KCNU1: variants seen among roughly 807,000 people sequenced by gnomAD.
The protein encoded by KCNU1 is potassium calcium-activated channel subfamily U member 1, also known as potassium channel subfamily U member 1.
In KCNU1, 93 loss-of-function variants were observed where a neutral mutation model predicts 126.8. The ratio of observed to expected loss-of-function variants is 0.73; its 90% CI spans 0.62 to 0.87. The LOEUF (loss-of-function observed/expected upper bound fraction) is 0.87. Ranked by LOEUF, KCNU1 falls within the 40% of genes least tolerant of loss-of-function variation. KCNU1 has a pLI of 0.00. For missense variants in KCNU1, 1,330 were observed against 1,367.1 expected (o/e 0.97, Z 0.43); for synonymous variants, 523 against 494.2 (o/e 1.06, Z -0.77).
chr8:36,888,850 A>G (rs762447694), intron 19 of KCNU1: 2 of 467,994 alleles, frequency 4.3e-6, no homozygotes, highest in Non-Finnish European at 8.7e-6. Context: ...AATCAAGCAC[A>G]TCTTTGCTAA....
At chr8:36,809,468 C>T (rs999478243) in intron 7 of KCNU1, among the ~76,000 whole-genome samples, 3 of 152,138 alleles carry the variant, frequency 2.0e-5, no homozygotes, top group Non-Finnish European at 4.4e-5. Context: ...TTTATCTGAG[C>T]CCTTCTCTCA....
intron 22 of KCNU1, among the ~76,000 whole-genome samples, chr8:36,913,411 T>A (rs1028978552): frequency 2.0e-5 from 3 of 152,266 alleles, no homozygotes; most frequent in Middle Eastern, 3.4e-3. Flanking sequence ...TGAATCATTA[T>A]GAGTATGAGT....
At chr8:36,837,870 C>T (rs573205590) in intron 14 of KCNU1, among the ~76,000 whole-genome samples, 22 of 152,072 alleles carry the variant, frequency 1.4e-4, no homozygotes, top group African/African-American at 4.1e-4. Flanking sequence ...CTTTCATACA[C>T]GTGACTTCCC....
intron 24 of KCNU1, chr8:36,923,120 T>C: frequency 2.2e-6 from 1 of 454,176 alleles, no homozygotes; most frequent in Non-Finnish European, 4.4e-6. Flanking sequence ...GACTACATGG[T>C]TATTCTTTAG....
rs193215198 is a variant in KCNU1, at chr8:36,909,901, T to C, written c.2331+366T>C. 7.8e-4 allele frequency among the ~76,000 whole-genome samples: 119 copies of C among 152,326 alleles called. 1 individual carries two copies. In the East Asian group the frequency reaches 0.012, roughly 16 times the overall value. On this transcript the variant is annotated intron_variant, in intron 21 of 26. Coordinates refer to ENST00000399881, the MANE Select transcript of KCNU1 (RefSeq NM_001031836.3). ...ATTTCTGAGTCAGATTATAATTTAATGGCTACACCTAAGCTAATACTGGCC... is the reference window on the plus strand; with the variant it reads ...ATTTCTGAGTCAGATTATAATTTAACGGCTACACCTAAGCTAATACTGGCC...
At chr8:36,808,196 T>A (rs1803576552) in intron 6 of KCNU1, among the ~76,000 whole-genome samples, 1 of 152,088 alleles carries the variant, frequency 6.6e-6, no homozygotes, top group African/African-American at 2.4e-5. Context: ...TCTCCTTAGG[T>A]GACAAGGGCC....
Position 36,891,177 on chromosome 8 carries a change from C to A in KCNU1, c.2010-14531C>A, listed in dbSNP as rs148689182. ...TATTTTCTATTGTACCATTTTAATT[C>A]TCTTGTGATTTCTTTTAGAGTATTT... On this transcript the variant is annotated intron_variant, in intron 19 of 26. Transcript: ENST00000399881. 5.9e-3 allele frequency among the ~76,000 whole-genome samples: 895 copies of A among 150,712 alleles called. 14 individuals are homozygous for A. The highest frequency in any genetic ancestry group is 0.021 in the African/African-American group (855 of 40,602).
At chr8:36,808,860 A>T in intron 7 of KCNU1, 67 bp downstream of exon 7, 2 of 1,129,806 alleles carry the variant, frequency 1.8e-6, no homozygotes, top group Non-Finnish European at 2.6e-6. Context: ...GAAAAATGGA[A>T]GGGAACCTGC....
chr8:36,894,220 G>T (rs989007033), intron 19 of KCNU1, among the ~76,000 whole-genome samples: 3 of 152,034 alleles, frequency 2.0e-5, no homozygotes, highest in Non-Finnish European at 4.4e-5. Flanking sequence ...GTATACTGTG[G>T]TAAAAGACTA....
intron 3 of KCNU1, 128 bp from the exon 4 acceptor site, chr8:36,805,067 C>G: frequency 1.7e-6 from 1 of 605,550 alleles, no homozygotes; most frequent in South Asian, 2.2e-5. Flanking sequence ...TCCTTGAGAT[C>G]TTAACTTAAG....
At chr8:36,790,077 G>T (rs1328037252) in intron 2 of KCNU1, among the ~76,000 whole-genome samples, 1 of 152,102 alleles carries the variant, frequency 6.6e-6, no homozygotes, top group Non-Finnish European at 1.5e-5. Flanking sequence ...AGGTTCAAGA[G>T]GCACTAAAGG....
chr8:36,867,883 AGCC>A (rs1805967851), intron 19 of KCNU1, among the ~76,000 whole-genome samples: 2 of 152,162 alleles, frequency 1.3e-5, no homozygotes, highest in Non-Finnish European at 2.9e-5. Flanking sequence ...CCAGTCTGTC[AGCC>A]CTATTTCTGG....
At chr8:36,806,143 T>C in intron 4 of KCNU1, 126 bp from the exon 5 acceptor site, 1 of 595,664 alleles carries the variant, frequency 1.7e-6, no homozygotes, top group Non-Finnish European at 3.0e-6. Context: ...TGTCTGTGTA[T>C]ATGTAAAATA....
At chr8:36,855,205 C>G (rs1284608972) in intron 18 of KCNU1, among the ~76,000 whole-genome samples, 1 of 152,058 alleles carries the variant, frequency 6.6e-6, no homozygotes, top group Non-Finnish European at 1.5e-5. Flanking sequence ...CAGTAATATT[C>G]CAGAGTTTTT....
At chr8:36,906,357 T>A (rs936481254) in intron 20 of KCNU1, among the ~76,000 whole-genome samples, 1 of 152,138 alleles carries the variant, frequency 6.6e-6, no homozygotes, top group African/African-American at 2.4e-5. Flanking sequence ...ATTACAGTCA[T>A]GTCCTTGTCT....
At chr8:36,786,277 T>C (rs893147058) in intron 1 of KCNU1, among the ~76,000 whole-genome samples, 1 of 152,200 alleles carries the variant, frequency 6.6e-6, no homozygotes, top group East Asian at 1.9e-4. Flanking sequence ...CCACAGAAGG[T>C]AGCTCCAATT....
intron 7 of KCNU1, among the ~76,000 whole-genome samples, chr8:36,810,906 A>T (rs1803686991): frequency 6.6e-6 from 1 of 152,222 alleles, no homozygotes; most frequent in African/African-American, 2.4e-5. Context: ...GAAAAACTGG[A>T]AATGATCCTT....
intron 8 of KCNU1, among the ~76,000 whole-genome samples, chr8:36,814,829 A>C (rs1482390317): frequency 2.0e-5 from 3 of 152,212 alleles, no homozygotes; most frequent in African/African-American, 7.2e-5. Context: ...TAGCAAAGGC[A>C]AAAGCCTTCT....
At chr8:36,927,510 A>G (rs1413257281) in intron 24 of KCNU1, among the ~76,000 whole-genome samples, 1 of 152,172 alleles carries the variant, frequency 6.6e-6, no homozygotes, top group African/African-American at 2.4e-5. Context: ...ACTTCTAAGG[A>G]AATTCAAGCC....
Sources: allele counts gnomAD v4.1 joint callset (sites outside exome capture counted in the v4.1 genomes callset), GRCh38; gene constraint gnomAD v4.1.1; transcripts MANE v1.5; gene names NCBI Gene and HGNC (gene_info 2026-07-23, HGNC 2026-07-21).